STK32B: variants seen among roughly 807,000 people sequenced by gnomAD.
STK32B encodes serine/threonine kinase 32B, also known as serine/threonine-protein kinase 32B.
STK32B carries 43 observed loss-of-function variants against 52.6 expected under a neutral mutation model. The ratio of observed to expected loss-of-function variants is 0.82; its 90% CI spans 0.64 to 1.05. The LOEUF (loss-of-function observed/expected upper bound fraction) is 1.05, where lower values mean the gene tolerates loss of function less well. STK32B is among the 50% of genes least tolerant of loss of function. The pLI, the probability that STK32B is intolerant of heterozygous loss-of-function variation, is 0.00. For missense variants in STK32B, 621 were observed against 534.6 expected (o/e 1.16, Z -1.59); for synonymous variants, 238 against 204.3 (o/e 1.17, Z -1.41).
intron 3 of STK32B, among the ~76,000 whole-genome samples, chr4:5,280,448 G>C (rs28799056): frequency 6.6e-6 from 1 of 151,916 alleles, no homozygotes; most frequent in Admixed American, 6.6e-5. Context: ...ACTCTCCCTC[G>C]TCTCCCTGTC....
intron 4 of STK32B, among the ~76,000 whole-genome samples, chr4:5,336,443 G>GA (rs972069760): frequency 2.6e-5 from 4 of 151,880 alleles, no homozygotes; most frequent in African/African-American, 4.8e-5. Flanking sequence ...CAACGAAATA[G>GA]AAAAAAATAA....
chr4:5,065,233 G>T (rs1196081756), intron 1 of STK32B, among the ~76,000 whole-genome samples: 2 of 152,146 alleles, frequency 1.3e-5, no homozygotes, highest in Non-Finnish European at 2.9e-5. Flanking sequence ...CCAGTAAAAA[G>T]GTTAACTACT....
At chr4:5,090,268 A>C (rs35666176) in intron 1 of STK32B, among the ~76,000 whole-genome samples, 37,590 of 151,262 alleles carry the variant, frequency 0.25, 5,538 homozygotes, top group Non-Finnish European at 0.34. Context: ...TGGTATTTTC[A>C]TCATGAAGTC....
At chr4:5,459,849 A>G (rs1716890181) in intron 8 of STK32B, among the ~76,000 whole-genome samples, 1 of 152,204 alleles carries the variant, frequency 6.6e-6, no homozygotes. Context: ...ATGGGGGCTG[A>G]AAGTCTGGTC....
chr4:5,420,000 A>G (rs958516256), intron 6 of STK32B, among the ~76,000 whole-genome samples: 1 of 152,224 alleles, frequency 6.6e-6, no homozygotes, highest in African/African-American at 2.4e-5. Context: ...TTCATTTAAC[A>G]TGAAGACAGG....
intron 3 of STK32B, among the ~76,000 whole-genome samples, chr4:5,196,496 G>A (rs115596062): frequency 0.015 from 2,209 of 152,030 alleles, 37 homozygotes; most frequent in African/African-American, 0.051. Flanking sequence ...GCCACGGTGC[G>A]TAGATCACGA....
intron 5 of STK32B, among the ~76,000 whole-genome samples, chr4:5,414,749 A>G (rs924476647): frequency 3.3e-5 from 5 of 152,366 alleles, no homozygotes; most frequent in African/African-American, 7.2e-5. Context: ...AAGAGAAATC[A>G]TGGAGGAGCC....
intron 3 of STK32B, among the ~76,000 whole-genome samples, chr4:5,218,151 T>G (rs11722454): frequency 0.094 from 14,359 of 152,250 alleles, 847 homozygotes; most frequent in Non-Finnish European, 0.12. Context: ...ACACTTCTGC[T>G]GCATGCCACT....
chr4:5,476,360 T>C (rs1221807229), intron 11 of STK32B, among the ~76,000 whole-genome samples: 1 of 152,248 alleles, frequency 6.6e-6, no homozygotes, highest in Non-Finnish European at 1.5e-5. Context: ...TGCTCACTTT[T>C]AATTTTTTAA....
chr4:5,415,193 C>A (rs534738582), intron 5 of STK32B, among the ~76,000 whole-genome samples: 1 of 152,330 alleles, frequency 6.6e-6, no homozygotes, highest in Admixed American at 6.5e-5. Flanking sequence ...AAAGCAAACA[C>A]TTATGAGAAG....
intron 3 of STK32B, among the ~76,000 whole-genome samples, chr4:5,274,853 A>G (rs1349383132): frequency 6.6e-6 from 1 of 152,034 alleles, no homozygotes; most frequent in African/African-American, 2.4e-5. Context: ...ATCCCTCCAG[A>G]TCCAGCAGGG....
chr4:5,362,589 C>A (rs976221354), intron 4 of STK32B, among the ~76,000 whole-genome samples: 6 of 152,210 alleles, frequency 3.9e-5, no homozygotes, highest in African/African-American at 1.4e-4. Context: ...TTAGCAGCAG[C>A]CAGGTCCCTG....
At chr4:5,159,170 C>T (rs892505214) in intron 2 of STK32B, among the ~76,000 whole-genome samples, 4 of 152,128 alleles carry the variant, frequency 2.6e-5, no homozygotes, top group East Asian at 1.9e-4. Context: ...GCTGGGACAC[C>T]GTAGAGCTGT....
At chr4:5,484,496 T>C (rs551980667) in intron 11 of STK32B, among the ~76,000 whole-genome samples, 1 of 152,290 alleles carries the variant, frequency 6.6e-6, no homozygotes, top group African/African-American at 2.4e-5. Flanking sequence ...GCACGTGAGA[T>C]GGGTTTCCTG....
chr4:5,347,377 A>G (rs911364520), intron 4 of STK32B, among the ~76,000 whole-genome samples: 2 of 152,220 alleles, frequency 1.3e-5, no homozygotes, highest in Non-Finnish European at 2.9e-5. Flanking sequence ...TCCCCAAAAT[A>G]TCCACATTTT....
intron 1 of STK32B, among the ~76,000 whole-genome samples, chr4:5,099,331 G>A (rs1175414239): frequency 6.6e-6 from 1 of 152,040 alleles, no homozygotes; most frequent in Non-Finnish European, 1.5e-5. Context: ...CTAGAATGTG[G>A]GCATCTTTGG....
At chr4:5,096,925 A>G (rs1713435528) in intron 1 of STK32B, among the ~76,000 whole-genome samples, 1 of 152,230 alleles carries the variant, frequency 6.6e-6, no homozygotes, top group African/African-American at 2.4e-5. Context: ...TCCACATGGA[A>G]GCCCATTCAA....
intron 1 of STK32B, among the ~76,000 whole-genome samples, chr4:5,106,074 G>C (rs562078372): frequency 1.3e-5 from 2 of 151,658 alleles, no homozygotes; most frequent in Admixed American, 6.6e-5. Context: ...AGGCCGAGGC[G>C]GGGGGATCAC....
chr4:5,193,207 C>A (rs1301172964), intron 3 of STK32B, among the ~76,000 whole-genome samples: 1 of 152,114 alleles, frequency 6.6e-6, no homozygotes. Flanking sequence ...CCCTTAAGAG[C>A]ATGTTGGAAT....
Sources: gnomAD v4.1 joint callset for allele counts (sites outside exome capture counted in the v4.1 genomes callset) on GRCh38, gnomAD v4.1.1 for gene constraint, MANE v1.5 for transcripts, NCBI Gene and HGNC (gene_info 2026-07-23, HGNC 2026-07-21) for gene names.